The following USP24 variants were observed in gnomAD, a reference collection of about 807,000 sequenced individuals.
The protein encoded by USP24 is ubiquitin carboxyl-terminal hydrolase 24.
A neutral mutation model predicts 361.6 loss-of-function variants in USP24; 97 were observed. That is an observed-to-expected ratio of 0.27 (90% CI 0.23 to 0.32). The LOEUF is 0.32. USP24 is among the 10% of genes least tolerant of loss of function. The probability of loss-of-function intolerance (pLI) is 1.00; values close to 1 mark genes in which losing one functional copy is unlikely to be tolerated. For synonymous variants in USP24, 1,098 were observed against 1,124.6 expected (o/e 0.98, Z 0.47); for missense variants, 2,353 against 3,165.6 (o/e 0.74, Z 6.16).
At chr1:55,182,147 G>A (rs998190536) in intron 1 of USP24, among the ~76,000 whole-genome samples, 1 of 152,216 alleles carries the variant, frequency 6.6e-6, no homozygotes, top group Non-Finnish European at 1.5e-5. Context: ...CGCTTCCCGG[G>A]TTCAAGCGAT....
At chr1:55,083,745 A>G in intron 57 of USP24, 27 bp downstream of exon 57, 1 of 1,517,862 alleles carries the variant, frequency 6.6e-7, no homozygotes, top group Non-Finnish European at 8.9e-7. Context: ...TGTATTAGGA[A>G]AAGATATTAG....
At chr1:55,096,892 T>C (rs1413301821) in intron 49 of USP24, 60 bp downstream of exon 49, 2 of 1,555,966 alleles carry the variant, frequency 1.3e-6, no homozygotes, top group African/African-American at 2.7e-5. Flanking sequence ...TGAGTATGGA[T>C]GATAACGGAG....
intron 12 of USP24, among the ~76,000 whole-genome samples, chr1:55,156,176 A>G (rs1487975214): frequency 1.3e-5 from 2 of 152,170 alleles, no homozygotes; most frequent in East Asian, 3.9e-4. Context: ...CCATGTTTGG[A>G]TATAATGAAT....
chr1:55,140,269 C>CTCATTTAAAGAAGTAGGTG (rs1271221272), intron 24 of USP24, among the ~76,000 whole-genome samples: 42 of 152,168 alleles, frequency 2.8e-4, no homozygotes, highest in Non-Finnish European at 5.3e-4. Context: ...GTTTGGACAT[C>CTCATTTAAAGAAGTAGGTG]CTAACCCAAT....
At chr1:55,132,192 C>T (rs915536562) in intron 31 of USP24, among the ~76,000 whole-genome samples, 8 of 152,132 alleles carry the variant, frequency 5.3e-5, no homozygotes, top group Admixed American at 2.0e-4. Context: ...CACAGTGAGA[C>T]GGTGCCATCT....
At chr1:55,188,038 G>A (rs779756503) in intron 1 of USP24, among the ~76,000 whole-genome samples, 3 of 152,146 alleles carry the variant, frequency 2.0e-5, no homozygotes, top group Non-Finnish European at 4.4e-5. Flanking sequence ...ATCTGGTACT[G>A]GCATAATGAA....
intron 57 of USP24, 102 bp downstream of exon 57, chr1:55,083,670 C>A (rs888900459): frequency 2.3e-6 from 2 of 873,248 alleles, no homozygotes; most frequent in African/African-American, 3.4e-5. Context: ...GAAGAAACAT[C>A]ATAAAAAACA....
intron 1 of USP24, among the ~76,000 whole-genome samples, chr1:55,188,964 C>CAAAAAAAAAAAAAAAAAAAAAAAAA (rs533085761): frequency 2.7e-5 from 2 of 74,418 alleles, no homozygotes; most frequent in African/African-American, 7.1e-5. Flanking sequence ...AACTCCATCT[C>CAAAAAAAAAAAAAAAAAAAAAAAAA]AAAAAAAAAA....
intron 17 of USP24, 110 bp from the exon 18 acceptor site, chr1:55,147,908 A>C: frequency 8.7e-7 from 1 of 1,149,186 alleles, no homozygotes; most frequent in Non-Finnish European, 1.2e-6. Flanking sequence ...CAAAGCAAAC[A>C]TAAGAATTTC....
At chr1:55,089,772 G>T in intron 54 of USP24, 32 bp from the exon 55 acceptor site, 1 of 1,496,348 alleles carries the variant, frequency 6.7e-7, no homozygotes. Context: ...GCAATGTTAG[G>T]AGCATAAGCC....
At chr1:55,164,476 C>A (rs1180648008) in intron 7 of USP24, among the ~76,000 whole-genome samples, 1 of 151,944 alleles carries the variant, frequency 6.6e-6, no homozygotes, top group Admixed American at 6.6e-5. Flanking sequence ...CTAAATTTAT[C>A]CTGGGACACA....
intron 32 of USP24, among the ~76,000 whole-genome samples, chr1:55,128,019 C>T (rs560443064): frequency 5.9e-5 from 9 of 152,162 alleles, no homozygotes; most frequent in Non-Finnish European, 1.2e-4. Context: ...GCACCCTATC[C>T]AATCCATACC....
intron 16 of USP24, 84 bp downstream of exon 16, chr1:55,153,786 T>C (rs1011713803): frequency 1.4e-5 from 19 of 1,325,170 alleles, no homozygotes; most frequent in East Asian, 2.5e-5. Flanking sequence ...AAACATACTA[T>C]TATTTTAAAA....
chr1:55,104,169 C>T, intron 41 of USP24, 149 bp from the exon 42 acceptor site: 2 of 930,692 alleles, frequency 2.1e-6, no homozygotes, highest in Non-Finnish European at 3.1e-6. Flanking sequence ...TCCAGTAATC[C>T]AGGGGTCATG....
At position 55,137,659 on chromosome 1, in the gene USP24, G is replaced by A. The variant is rs1646775957; in HGVS notation, c.3057C>T (p.Leu1019=). 8.1e-6 allele frequency: 13 copies of A among 1,612,952 alleles called. No individual in the cohort carries two copies. The East Asian group carries it at 2.7e-4, about 33-fold the overall frequency. Residue 1019 remains leucine, a synonymous_variant, in exon 28 of 68, where the codon CTC becomes CTT. Coordinates refer to ENST00000294383, the MANE Select transcript of USP24 (RefSeq NM_015306.3). ...GTTCATCAGAAAAGCCCAGTTGGTG[G>A]AGTAGCTTTTGATCTTTATTCACTG... The part of the protein sequence containing the change: ...LLTVNKDQKL[L]HQLGFSDEQI...
intron 23 of USP24, 109 bp from the exon 24 acceptor site, chr1:55,141,840 T>A: frequency 1.0e-6 from 1 of 953,148 alleles, no homozygotes; most frequent in Non-Finnish European, 1.6e-6. Context: ...GGGCATTCAC[T>A]GTAGGATGTT....
At chr1:55,151,834 G>A (rs1647202010) in intron 16 of USP24, 8 of 928,160 alleles carry the variant, frequency 8.6e-6, no homozygotes, top group Non-Finnish European at 1.0e-5. Context: ...ATCAAAAGCA[G>A]AGGGAAGGGT....
At chr1:55,096,459 A>T in intron 50 of USP24, 39 bp downstream of exon 50, 1 of 1,450,420 alleles carries the variant, frequency 6.9e-7, no homozygotes, top group Non-Finnish European at 9.1e-7. Context: ...AACGATAAAT[A>T]AAAAAACTAA....
chr1:55,156,921 AG>A, intron 12 of USP24, 26 bp downstream of exon 12: 2 of 1,564,826 alleles, frequency 1.3e-6, no homozygotes, highest in Non-Finnish European at 1.8e-6. Flanking sequence ...CATTAGCCAA[AG>A]GCAAAAATAA....
Sources: allele counts gnomAD v4.1 joint callset (sites outside exome capture counted in the v4.1 genomes callset), GRCh38; gene constraint gnomAD v4.1.1; transcripts MANE v1.5; gene names NCBI Gene and HGNC (gene_info 2026-07-23, HGNC 2026-07-21).